MTPN: variants seen among roughly 807,000 people sequenced by gnomAD.
The protein encoded by MTPN is myotrophin, also known as granule cell differentiation protein.
Under a neutral mutation model 13.5 loss-of-function variants are expected in MTPN, and 2 were observed. The ratio of observed to expected loss-of-function variants is 0.15; its 90% CI spans 0.06 to 0.47. MTPN has a LOEUF of 0.47. Ranked by LOEUF, MTPN falls within the 20% of genes least tolerant of loss-of-function variation. The pLI is 0.97. For missense variants in MTPN, 79 were observed against 137.9 expected, an observed-to-expected ratio of 0.57 and a Z score of 2.14; for synonymous variants, 46 against 51.7, an observed-to-expected ratio of 0.89 and a Z score of 0.48.
Position 135,926,986 on chromosome 7 carries a change from T to C in MTPN, c.*2940A>G. The C allele has an allele frequency of 5.1e-6, 1 of 197,648 alleles. No homozygotes were observed. The highest frequency in any genetic ancestry group is 1.8e-3 in the Middle Eastern group (1 of 546). The allele number at this position is 197,648 out of a possible 1,614,324, so 12.2% of individuals were successfully genotyped here. ...TATGATTGTTTCTCCATTTACAAAA[T>C]AGAATCAGGACAATTTAAATTTTTT... On this transcript the variant is annotated 3_prime_UTR_variant, in exon 4 of 4. Transcript: ENST00000393085.
At chr7:135,959,817 GTTTT>G (rs11452329) in intron 1 of MTPN, among the ~76,000 whole-genome samples, 1 of 143,514 alleles carries the variant, frequency 7.0e-6, no homozygotes. Context: ...ACATCTGCTT[GTTTT>G]TTTTTTTAAT....
chr7:135,967,190 C>T (rs1325802693), intron 1 of MTPN, among the ~76,000 whole-genome samples: 1 of 152,060 alleles, frequency 6.6e-6, no homozygotes, highest in Non-Finnish European at 1.5e-5. Flanking sequence ...AAATTCAAGT[C>T]TAATAACTTG....
Position 135,950,622 on chromosome 7 carries a change from A to G in MTPN, c.247T>C (p.Cys83Arg). 1.2e-6 allele frequency: 2 copies of G among 1,613,308 alleles called. No individual in the cohort carries two copies. Among genetic ancestry groups the G allele is most frequent in the Non-Finnish European group, 1.7e-6 (2 of 1,179,376 alleles). ...ACCTTTGACAGAAGCAATTTCACAC[A>G]GGAAACATGACCCTCATAGACAGCA... ...LSAVYEGHVS[C>R]VKLLLSKGAD... is the part of the protein sequence containing the mutation. The change falls in exon 3 of 4, where the codon TGT (cysteine) becomes CGT (arginine). Residue 83 changes from cysteine (C) to arginine (R), a missense_variant. Physicochemically the swap from Cys to Arg is radical, Grantham distance 180 (BLOSUM62 -3). Coordinates refer to ENST00000393085, the MANE Select transcript of MTPN (RefSeq NM_145808.4).
rs966424290 is a variant in MTPN at position 135,977,290 on chromosome 7, T to C, written c.-190A>G. ...GACCGTTCGGGCGGGAGAAAGAAAGTTCTTTTGCGGCCACCGGGCCCAGCA... is the reference window on the plus strand; with the variant it reads ...GACCGTTCGGGCGGGAGAAAGAAAGCTCTTTTGCGGCCACCGGGCCCAGCA... On this transcript the variant is annotated 5_prime_UTR_variant, in exon 1 of 4. Coordinates refer to ENST00000393085, the MANE Select transcript of MTPN (RefSeq NM_145808.4). 4.8e-6 allele frequency: 3 copies of C among 621,820 alleles called. No individual in the cohort carries two copies. Among genetic ancestry groups the C allele is most frequent in the Non-Finnish European group, 8.5e-6 (3 of 350,916 alleles). The allele number at this position is 621,820 out of a possible 1,614,324, so 38.5% of individuals were successfully genotyped here.
intron 3 of MTPN, among the ~76,000 whole-genome samples, chr7:135,948,462 GAAA>G (rs576612332): frequency 1.3e-3 from 202 of 151,678 alleles, no homozygotes; most frequent in Non-Finnish European, 2.4e-3. Flanking sequence ...ATAAGCAAAA[GAAA>G]AAACAAACTA....
At chr7:135,941,702 G>C (rs1443944322) in intron 3 of MTPN, among the ~76,000 whole-genome samples, 1 of 151,780 alleles carries the variant, frequency 6.6e-6, no homozygotes, top group South Asian at 2.1e-4. Context: ...TTGTTCTTAT[G>C]GTACCCCTAG....
chr7:135,962,875 T>C (rs1269690904), intron 1 of MTPN, among the ~76,000 whole-genome samples: 2 of 152,100 alleles, frequency 1.3e-5, no homozygotes, highest in Non-Finnish European at 2.9e-5. Flanking sequence ...GAATGGTTTT[T>C]AGACCTTTCT....
At chr7:135,960,687 A>T (rs1799507906) in intron 1 of MTPN, 1 of 152,068 alleles carries the variant, frequency 6.6e-6, no homozygotes, top group South Asian at 2.1e-4. Flanking sequence ...GATTCAATAT[A>T]AGAAACTTAA....
intron 3 of MTPN, among the ~76,000 whole-genome samples, chr7:135,945,704 TA>T (rs756846470): frequency 6.6e-6 from 1 of 152,090 alleles, no homozygotes; most frequent in Non-Finnish European, 1.5e-5. Flanking sequence ...TCTTTTACAT[TA>T]ACTTTTTTTT....
Position 135,927,512 on chromosome 7 carries a change from A to G in MTPN, c.*2414T>C, listed in dbSNP as rs1798939132. 1 of 1,148,064 alleles carries G rather than the reference A, an allele frequency of 8.7e-7. No individual in the cohort carries two copies. The highest frequency in any genetic ancestry group is 1.6e-5 in the African/African-American group (1 of 63,814). 71.1% of individuals were successfully genotyped at this position (1,148,064 alleles called of 1,614,324 possible). On this transcript the variant is annotated 3_prime_UTR_variant, in exon 4 of 4. Transcript: ENST00000393085. Reference sequence around the variant, plus strand: ...GTTAAGTATTACTTCAGTGGAGAACAAAACTTACTTAACCTTTCGCTAATG... The same window carrying G: ...GTTAAGTATTACTTCAGTGGAGAACGAAACTTACTTAACCTTTCGCTAATG...
chr7:135,969,733 T>C (rs974279245), intron 1 of MTPN, among the ~76,000 whole-genome samples: 1 of 151,962 alleles, frequency 6.6e-6, no homozygotes, highest in Non-Finnish European at 1.5e-5. Context: ...TAAAAGACCA[T>C]TGTAGAATAA....
At chr7:135,932,536 C>T (rs1432026749) in intron 3 of MTPN, 4 of 152,204 alleles carry the variant, frequency 2.6e-5, no homozygotes, top group South Asian at 2.1e-4. Flanking sequence ...TAATTCTATA[C>T]ATTAGATACA....
chr7:135,964,387 T>C (rs1799574250), intron 1 of MTPN, among the ~76,000 whole-genome samples: 1 of 152,084 alleles, frequency 6.6e-6, no homozygotes, highest in Non-Finnish European at 1.5e-5. Flanking sequence ...GCTGCATTAA[T>C]TATGAATGAA....
intron 1 of MTPN, among the ~76,000 whole-genome samples, chr7:135,965,082 G>C (rs940451637): frequency 6.6e-6 from 1 of 152,036 alleles, no homozygotes; most frequent in Non-Finnish European, 1.5e-5. Flanking sequence ...ATATTTACTA[G>C]CTGCCCCTTT....
chr7:135,974,066 C>G (rs1424021372), intron 1 of MTPN, among the ~76,000 whole-genome samples: 3 of 152,126 alleles, frequency 2.0e-5, no homozygotes, highest in African/African-American at 7.2e-5. Flanking sequence ...TCAATACTGT[C>G]TTTTCCATTT....
chr7:135,950,640 A>G lies in MTPN; in HGVS notation c.229T>C (p.Tyr77His). 6.2e-7 allele frequency: 1 copy of G among 1,613,458 alleles called. No individual in the cohort carries two copies. Among genetic ancestry groups the G allele is most frequent in the Non-Finnish European group, 8.5e-7 (1 of 1,179,448 alleles). ...HHITPLLSAV[Y>H]EGHVSCVKLL... ...TTCACACAGGAAACATGACCCTCAT[A>G]GACAGCAGACAGAAGAGGAGTAATA... The change falls in exon 3 of 4, where the codon TAT becomes CAT. Residue 77 changes from tyrosine to histidine, a missense_variant. Tyr to His is a moderately conservative substitution (Grantham distance 83). Transcript: ENST00000393085.
chr7:135,970,039 T>C (rs1315785972), intron 1 of MTPN, among the ~76,000 whole-genome samples: 1 of 152,144 alleles, frequency 6.6e-6, no homozygotes, highest in Non-Finnish European at 1.5e-5. Context: ...GTCTCAAAAG[T>C]TGTCAAGGTA....
At chr7:135,940,671 A>C (rs977645563) in intron 3 of MTPN, among the ~76,000 whole-genome samples, 47 of 152,240 alleles carry the variant, frequency 3.1e-4, no homozygotes. Context: ...TTTGTATTCT[A>C]TACCACATTT....
chr7:135,972,421 AGG>A (rs1799711687), intron 1 of MTPN, among the ~76,000 whole-genome samples: 1 of 152,242 alleles, frequency 6.6e-6, no homozygotes, highest in African/African-American at 2.4e-5. Flanking sequence ...ATAAAAACTT[AGG>A]TAAAACATCT....
Sources: gnomAD v4.1 joint callset for allele counts (sites outside exome capture counted in the v4.1 genomes callset) on GRCh38, gnomAD v4.1.1 for gene constraint, MANE v1.5 for transcripts, NCBI Gene and HGNC (gene_info 2026-07-23, HGNC 2026-07-21) for gene names.